LAMP1: variants seen among roughly 807,000 people sequenced by gnomAD.
LAMP1 encodes lysosome associated membrane protein 1.
A neutral mutation model predicts 37.5 loss-of-function variants in LAMP1; 7 were observed. That is an observed-to-expected ratio of 0.19 (90% confidence interval 0.11 to 0.35). The LOEUF (loss-of-function observed/expected upper bound fraction) is 0.35. Ranked by LOEUF, LAMP1 falls within the 10% of genes least tolerant of loss-of-function variation. LAMP1 has a pLI of 1.00. For synonymous variants in LAMP1, 236 were observed against 229.1 expected (o/e 1.03, Z -0.27); for missense variants, 537 against 552.8 (o/e 0.97, Z 0.29).
chr13:113,297,397 G>C lies in LAMP1; in HGVS notation c.-38G>C. Reference sequence around the variant, plus strand: ...AGTCCGCGGCCCAACCGCCGCCCGCGCCCCCGCTCCCCGCACCGTACCCGG... The same window carrying C: ...AGTCCGCGGCCCAACCGCCGCCCGCCCCCCCGCTCCCCGCACCGTACCCGG... On this transcript the variant is annotated 5_prime_UTR_variant, in exon 1 of 9. Coordinates refer to ENST00000332556, the MANE Select transcript of LAMP1 (RefSeq NM_005561.4). This position sits in a 1 kb window ranked among gnomAD's most constrained non-coding sequence, Gnocchi z 4.4. 1.7e-6 allele frequency: 1 copy of C among 600,806 alleles called. No homozygotes were observed. The allele number at this position is 600,806 out of a possible 1,614,324, so 37.2% of individuals were successfully genotyped here.
At position 113,298,377 on chromosome 13, in the gene LAMP1, G is replaced by GC. The variant is rs1348804470; in HGVS notation, c.61+888dup. On this transcript the variant is annotated intron_variant, in intron 1 of 8. Transcript: ENST00000332556. ...CTGTCTCTTTAAGACAGTCCGGATT[G>GC]CCCCCCGCCAACACTATTCTTTCAC... Among the ~76,000 whole-genome samples, 8 of 151,832 alleles carry GC rather than the reference G, an allele frequency of 5.3e-5. No individual in the cohort carries two copies. The South Asian group carries it at 8.3e-4, about 16-fold the overall frequency.
intron 4 of LAMP1, among the ~76,000 whole-genome samples, chr13:113,318,873 A>T (rs2042681202): frequency 1.3e-5 from 2 of 152,122 alleles, no homozygotes; most frequent in South Asian, 4.1e-4. Flanking sequence ...TGGGGTCCTC[A>T]TGGAGACTGC....
intron 4 of LAMP1, among the ~76,000 whole-genome samples, chr13:113,315,671 T>C (rs1357834064): frequency 6.6e-6 from 1 of 151,728 alleles, no homozygotes; most frequent in Non-Finnish European, 1.5e-5. Context: ...CCGGCCCATC[T>C]TGCCTTTCAA....
At chr13:113,301,542 G>C (rs1212045988) in intron 1 of LAMP1, among the ~76,000 whole-genome samples, 1 of 150,896 alleles carries the variant, frequency 6.6e-6, no homozygotes, top group African/African-American at 2.4e-5. Flanking sequence ...AGAATTGCTT[G>C]AGCCCGGGAG....
At position 113,308,576 on chromosome 13, in the gene LAMP1, C is replaced by T. The variant is rs141569178; in HGVS notation, c.184-1067C>T. ...CTGACCTCAGGTGATCTTCCCACGT[C>T]GGCCTCCCCAAGTGCTGGGATTACA... is the stretch of plus-strand genomic sequence containing the variant. On this transcript the variant is annotated intron_variant, in intron 2 of 8. Transcript: ENST00000332556. Among the ~76,000 whole-genome samples, 34 of 149,996 alleles carry T rather than the reference C, an allele frequency of 2.3e-4. 1 individual carries two copies. The highest frequency in any genetic ancestry group is 7.6e-4 in the African/African-American group (31 of 40,744).
intron 4 of LAMP1, 21 bp from the exon 5 acceptor site, chr13:113,319,448 C>A: frequency 6.3e-7 from 1 of 1,576,772 alleles, no homozygotes; most frequent in Non-Finnish European, 8.6e-7. Flanking sequence ...AGACCTGAAT[C>A]TCCCTCCACT....
In LAMP1 at chr13:113,321,874, A is replaced by T. The variant is rs994622612; in HGVS notation, c.1114+147A>T. The stretch of plus-strand genomic sequence containing the variant: ...TTTCTTCTTGCCGGTCTGAGATTCT[A>T]GAGGTAACTCCCCCTGCTTTAGAGA... On this transcript the variant is annotated intron_variant, in intron 8 of 8. Transcript: ENST00000332556. The surrounding 1 kb of genome is among the most constrained non-coding windows in gnomAD (Gnocchi z 5.6). 1 of 768,954 alleles carries T rather than the reference A, an allele frequency of 1.3e-6. No individual in the cohort carries two copies. Among genetic ancestry groups the T allele is most frequent in the Non-Finnish European group, 2.1e-6 (1 of 484,468 alleles). The allele number at this position is 768,954 out of a possible 1,614,324, so 47.6% of individuals were successfully genotyped here. A position where few individuals can be genotyped will look rare whatever the true frequency, so the allele number is the denominator to read the frequency against.
chr13:113,313,623 G>C (rs547450732), intron 4 of LAMP1, among the ~76,000 whole-genome samples: 252 of 115,658 alleles, frequency 2.2e-3, no homozygotes, highest in Middle Eastern at 0.011. Context: ...TGGAGATGTC[G>C]GTGTGCCTGG....
chr13:113,318,332 G>C (rs988129123), intron 4 of LAMP1, among the ~76,000 whole-genome samples: 1 of 152,244 alleles, frequency 6.6e-6, no homozygotes, highest in Non-Finnish European at 1.5e-5. Flanking sequence ...GCAGGTGACT[G>C]ATGGAGTTAT....
chr13:113,301,079 C>T (rs997022131), intron 1 of LAMP1, among the ~76,000 whole-genome samples: 1 of 152,196 alleles, frequency 6.6e-6, no homozygotes, highest in Non-Finnish European at 1.5e-5. Context: ...GCCTGTGTAT[C>T]TCCCTTCCTT....
Position 113,297,615 on chromosome 13 carries a change from C to T in LAMP1, c.61+120C>T, listed in dbSNP as rs1023772879. ...GCGGGTCGCCCCGCACCCACTGCTC[C>T]TGGTCCCGGCCGGCTCTGCCCGCGG... On this transcript the variant is annotated intron_variant, in intron 1 of 8. Transcript: ENST00000332556. The surrounding 1 kb of genome is among the most constrained non-coding windows in gnomAD (Gnocchi z 4.4). 32 of 951,074 alleles carry T rather than the reference C, an allele frequency of 3.4e-5. No individual in the cohort carries two copies. Among genetic ancestry groups the T allele is most frequent in the Non-Finnish European group, 4.3e-5 (32 of 752,904 alleles). The allele number at this position is 951,074 out of a possible 1,614,324, so 58.9% of individuals were successfully genotyped here. A position where few individuals can be genotyped will look rare whatever the true frequency, so the allele number is the denominator to read the frequency against.
In LAMP1 at chr13:113,307,908, A is replaced by G. The variant is rs79283509; in HGVS notation, c.183+1302A>G. 9.2e-3 allele frequency among the ~76,000 whole-genome samples: 1,270 copies of G among 138,728 alleles called. 66 individuals carry two copies. The East Asian group carries it at 0.15, about 17-fold the overall frequency. 91.0% of individuals were successfully genotyped at this position (138,728 alleles called of 152,430 possible). A position where few individuals can be genotyped will look rare whatever the true frequency, so the allele number is the denominator to read the frequency against. On this transcript the variant is annotated intron_variant, in intron 2 of 8. Coordinates refer to ENST00000332556, the MANE Select transcript of LAMP1 (RefSeq NM_005561.4). ...TGTGAGGTCGAGGCTGCAGTGAGCT[A>G]TGATCTTGCCACTGCACTCCAGCCT...
At chr13:113,307,909 T>G (rs1038517845) in intron 2 of LAMP1, among the ~76,000 whole-genome samples, 1 of 138,500 alleles carries the variant, frequency 7.2e-6, no homozygotes, top group Non-Finnish European at 1.5e-5. Flanking sequence ...CAGTGAGCTA[T>G]GATCTTGCCA....
At chr13:113,309,220 C>G (rs1346223398) in intron 2 of LAMP1, among the ~76,000 whole-genome samples, 1 of 152,116 alleles carries the variant, frequency 6.6e-6, no homozygotes, top group Non-Finnish European at 1.5e-5. Flanking sequence ...CCTGCCTCAG[C>G]CTCCTGAGTA....
intron 1 of LAMP1, among the ~76,000 whole-genome samples, chr13:113,303,481 C>T (rs1214156260): frequency 6.6e-6 from 1 of 151,804 alleles, no homozygotes; most frequent in Non-Finnish European, 1.5e-5. Flanking sequence ...TGACACCTGT[C>T]AGGTTACTGG....
chr13:113,318,742 C>A (rs1043152866), intron 4 of LAMP1, among the ~76,000 whole-genome samples: 6 of 152,168 alleles, frequency 3.9e-5, no homozygotes, highest in African/African-American at 1.4e-4. Context: ...ATTTCAGACG[C>A]ACCCACACTC....
chr13:113,321,401 A>C lies in LAMP1; in HGVS notation c.877-3A>C. 1.2e-6 allele frequency: 2 copies of C among 1,611,520 alleles called. No individual in the cohort carries two copies. Among genetic ancestry groups the C allele is most frequent in the Middle Eastern group, 3.3e-4 (2 of 6,060 alleles). ...GTGATTAAAGATCATTTTTCTTTTT[A>C]AGAATGCAAGTTCTAGCCGGTTTTT... On this transcript the variant is annotated splice_region_variant and splice_polypyrimidine_tract_variant and intron_variant, in intron 6 of 8. Transcript: ENST00000332556. This position sits in a 1 kb window ranked among gnomAD's most constrained non-coding sequence, Gnocchi z 5.6.
chr13:113,306,369 G>T, intron 1 of LAMP1, 116 bp from the exon 2 acceptor site: 2 of 1,120,572 alleles, frequency 1.8e-6, no homozygotes, highest in Non-Finnish European at 2.5e-6. Context: ...AAAAAAAAGA[G>T]AAACAGTGGA....
At chr13:113,317,155 G>A (rs1358692782) in intron 4 of LAMP1, among the ~76,000 whole-genome samples, 1 of 152,188 alleles carries the variant, frequency 6.6e-6, no homozygotes, top group East Asian at 1.9e-4. Context: ...GCTTTGGAAA[G>A]GCCCGGCTGT....
Sources: allele counts gnomAD v4.1 joint callset (sites outside exome capture counted in the v4.1 genomes callset), GRCh38; gene constraint gnomAD v4.1.1; non-coding constraint Gnocchi (gnomAD v3.1); transcripts MANE v1.5; gene names NCBI Gene and HGNC (gene_info 2026-07-23, HGNC 2026-07-21).